Variants in HOOK3 observed in about 807,000 individuals in gnomAD.
HOOK3 encodes the protein protein Hook homolog 3.
In HOOK3, 24 loss-of-function variants were observed where a neutral mutation model predicts 116.3. The ratio of observed to expected loss-of-function variants is 0.21; its 90% CI spans 0.15 to 0.29. The LOEUF is 0.29. Among genes scored for constraint, HOOK3 ranks in the 10% least tolerant of loss-of-function variants. The pLI, the probability that HOOK3 is intolerant of heterozygous loss-of-function variation, is 1.00. For synonymous variants in HOOK3, 275 were observed against 283.0 expected (o/e 0.97, Z 0.28); for missense variants, 632 against 830.2 (o/e 0.76, Z 2.93).
At chr8:42,965,325 A>G (rs1270981947) in intron 9 of HOOK3, among the ~76,000 whole-genome samples, 1 of 147,886 alleles carries the variant, frequency 6.8e-6, no homozygotes, top group Non-Finnish European at 1.5e-5. Flanking sequence ...AGAAATCTAT[A>G]TACGTGTGTG....
chr8:43,013,910 T>C (rs1010584995), intron 21 of HOOK3, among the ~76,000 whole-genome samples: 2 of 152,064 alleles, frequency 1.3e-5, no homozygotes, highest in African/African-American at 4.8e-5. Context: ...TTTTAAAGAG[T>C]GCTGCACTTC....
chr8:42,962,261 C>CTTT (rs559919675), intron 8 of HOOK3, among the ~76,000 whole-genome samples: 10 of 117,812 alleles, frequency 8.5e-5, no homozygotes, highest in Non-Finnish European at 1.6e-4. Flanking sequence ...ATTTTCATTT[C>CTTT]TTTTTTTTTT....
chr8:42,943,817 A>G (rs1267175854), intron 5 of HOOK3, among the ~76,000 whole-genome samples: 3 of 152,230 alleles, frequency 2.0e-5, no homozygotes, highest in Admixed American at 2.0e-4. Flanking sequence ...ATATATCTGT[A>G]ACAGATGCCT....
chr8:42,956,900 G>A (rs534399245), intron 6 of HOOK3, among the ~76,000 whole-genome samples, 194 bp from the exon 7 acceptor site: 2 of 152,278 alleles, frequency 1.3e-5, no homozygotes, highest in African/African-American at 4.8e-5. Context: ...AATTTTAAAT[G>A]AAGGCATTAT....
intron 9 of HOOK3, among the ~76,000 whole-genome samples, chr8:42,965,657 A>T (rs1440382120): frequency 2.6e-5 from 4 of 152,376 alleles, no homozygotes. Flanking sequence ...CAGAAATTAA[A>T]CATCAATTAG....
intron 1 of HOOK3, among the ~76,000 whole-genome samples, chr8:42,902,925 A>G (rs1807219519): frequency 6.6e-6 from 1 of 152,180 alleles, no homozygotes; most frequent in Non-Finnish European, 1.5e-5. Flanking sequence ...TTCCTTCTAA[A>G]CAAACCTACA....
Position 43,007,897 on chromosome 8 carries a change from T to C in HOOK3, c.1706T>C (p.Ile569Thr). 6.3e-7 allele frequency: 1 copy of C among 1,598,436 alleles called. No individual in the cohort carries two copies. Among genetic ancestry groups the C allele is most frequent in the Non-Finnish European group, 8.5e-7 (1 of 1,170,038 alleles). The change falls in exon 18 of 22, where the codon ATT becomes ACT. Residue 569 changes from isoleucine (I) to threonine (T), a missense_variant. By Grantham distance (89) the Ile-to-Thr change is moderately conservative. This residue lies in a region of HOOK3 where 483 missense variants were observed against 648.1 expected (regional missense o/e 0.75). Coordinates refer to ENST00000307602, the MANE Select transcript of HOOK3 (RefSeq NM_032410.4). ...GAACTACAGAAGAAGAGAGCCATTA[T>C]TGAAGATCTCGAGCCAAGATTTAAC... Reference protein sequence around the residue: ...NNELQKKRAIIEDLEPRFNNS... With the variant: ...NNELQKKRAITEDLEPRFNNS...
At chr8:42,933,943 T>G (rs1259652390) in intron 4 of HOOK3, among the ~76,000 whole-genome samples, 1 of 152,138 alleles carries the variant, frequency 6.6e-6, no homozygotes, top group African/African-American at 2.4e-5. Flanking sequence ...GAGAAGGAGT[T>G]TTTTTGTTGT....
intron 17 of HOOK3, among the ~76,000 whole-genome samples, chr8:43,002,436 G>T (rs951843644): frequency 3.3e-5 from 5 of 152,136 alleles, no homozygotes; most frequent in African/African-American, 1.2e-4. Context: ...TTTCTATAAG[G>T]GGTCAGATAG....
At chr8:42,997,401 A>G (rs914049413) in intron 15 of HOOK3, 149 bp from the exon 16 acceptor site, 2 of 569,294 alleles carry the variant, frequency 3.5e-6, no homozygotes, top group Admixed American at 6.7e-5. Context: ...GTAAGCTGCC[A>G]CTCATGACAT....
chr8:42,968,912 T>G (rs902165802), intron 11 of HOOK3, among the ~76,000 whole-genome samples: 1 of 152,186 alleles, frequency 6.6e-6, no homozygotes, highest in Non-Finnish European at 1.5e-5. Flanking sequence ...CCCTAAAAAT[T>G]TATAGCACTT....
chr8:42,939,462 A>C (rs1250390794), intron 4 of HOOK3, among the ~76,000 whole-genome samples: 12 of 123,984 alleles, frequency 9.7e-5, no homozygotes, highest in South Asian at 2.8e-4. Flanking sequence ...ACTTCCCAGT[A>C]GGGGCGGCCG....
intron 1 of HOOK3, among the ~76,000 whole-genome samples, chr8:42,903,153 G>A (rs750144739): frequency 6.6e-6 from 1 of 151,972 alleles, no homozygotes; most frequent in Non-Finnish European, 1.5e-5. Flanking sequence ...CCAGGTGTTT[G>A]GTTTGTGTCA....
chr8:42,995,827 C>T (rs1381725628), intron 15 of HOOK3, among the ~76,000 whole-genome samples: 1 of 152,112 alleles, frequency 6.6e-6, no homozygotes, highest in Admixed American at 6.5e-5. Context: ...GTTCGTCTGT[C>T]CCTTTCTATT....
intron 14 of HOOK3, among the ~76,000 whole-genome samples, chr8:42,983,508 AG>A (rs1808992971): frequency 6.6e-6 from 1 of 152,006 alleles, no homozygotes; most frequent in Non-Finnish European, 1.5e-5. Context: ...TTTAGAGGCA[AG>A]GTCTTGCTCT....
At chr8:42,922,879 CAAAA>C (rs796695239) in intron 2 of HOOK3, among the ~76,000 whole-genome samples, 1 of 85,958 alleles carries the variant, frequency 1.2e-5, no homozygotes, top group South Asian at 3.9e-4. Context: ...GACTCTGTCT[CAAAA>C]AAAAAAAAAA....
At chr8:42,935,812 A>G (rs545340339) in intron 4 of HOOK3, among the ~76,000 whole-genome samples, 15 of 152,316 alleles carry the variant, frequency 9.8e-5, no homozygotes, top group Middle Eastern at 3.4e-3. Context: ...TATAGTTTGA[A>G]GTCAGGTATT....
At chr8:42,994,951 A>G (rs370005744) in intron 15 of HOOK3, among the ~76,000 whole-genome samples, 23 of 152,376 alleles carry the variant, frequency 1.5e-4, no homozygotes, top group East Asian at 1.3e-3. Context: ...TAGTTGAAAT[A>G]ATCTTTTAGT....
chr8:42,969,589 C>T (rs1050665930), intron 11 of HOOK3, among the ~76,000 whole-genome samples: 13 of 152,184 alleles, frequency 8.5e-5, no homozygotes, highest in Admixed American at 3.3e-4. Flanking sequence ...TGCACCACTG[C>T]ATTCCAGCTT....
Sources: gnomAD v4.1 joint callset for allele counts (sites outside exome capture counted in the v4.1 genomes callset) on GRCh38, gnomAD v4.1.1 for gene constraint, gnomAD v4.1.1 regional missense constraint, MANE v1.5 for transcripts, NCBI Gene and HGNC (gene_info 2026-07-23, HGNC 2026-07-21) for gene names.